Variants in FAM171B observed in about 807,000 individuals in gnomAD.
FAM171B encodes the protein protein FAM171B.
FAM171B carries 19 observed loss-of-function variants against 75.6 expected under a neutral mutation model. The observed-to-expected ratio is 0.25, with a 90% CI of 0.18 to 0.37. The LOEUF (loss-of-function observed/expected upper bound fraction) is 0.37. Among genes scored for constraint, FAM171B ranks in the 10% least tolerant of loss-of-function variants. The pLI, the probability that FAM171B is intolerant of heterozygous loss-of-function variation, is 1.00. For synonymous variants in FAM171B, 367 were observed against 361.7 expected, an observed-to-expected ratio of 1.01 and a Z score of -0.17; for missense variants, 848 against 982.4, an observed-to-expected ratio of 0.86 and a Z score of 1.83.
chr2:186,751,035 C>G, intron 4 of FAM171B, 99 bp from the exon 5 acceptor site: 1 of 869,500 alleles, frequency 1.2e-6, no homozygotes, highest in Non-Finnish European at 1.7e-6. Context: ...ATAGATAACC[C>G]TTGGTGAAAT....
Position 186,744,849 on chromosome 2 carries a change from G to A in FAM171B, c.565+1274G>A, listed in dbSNP as rs74836500. On this transcript the variant is annotated intron_variant, in intron 3 of 7. Coordinates refer to ENST00000304698, the MANE Select transcript of FAM171B (RefSeq NM_177454.4). ...ACCAGCATTTTTTTTTTTTTTTTTT[G>A]AGACAGTGTCTGGCTCTGTCACCCA... 1.1e-4 allele frequency among the ~76,000 whole-genome samples: 6 copies of A among 56,068 alleles called. No homozygotes were observed. In the South Asian group the frequency reaches 2.4e-3, roughly 23 times the overall value. 36.8% of individuals were successfully genotyped at this position (56,068 alleles called of 152,430 possible).
intron 1 of FAM171B, among the ~76,000 whole-genome samples, chr2:186,712,376 G>A (rs1426904824): frequency 6.6e-6 from 1 of 152,146 alleles, no homozygotes; most frequent in Non-Finnish European, 1.5e-5. Flanking sequence ...GTCTCCTTGT[G>A]AGAGTAAGCT....
intron 1 of FAM171B, among the ~76,000 whole-genome samples, chr2:186,730,514 A>T (rs1408066396): frequency 6.6e-6 from 1 of 152,194 alleles, no homozygotes; most frequent in Non-Finnish European, 1.5e-5. Context: ...GGACCCTGTT[A>T]GTCAGGCCTG....
chr2:186,747,714 A>G (rs1019668540), intron 4 of FAM171B, among the ~76,000 whole-genome samples: 1 of 152,182 alleles, frequency 6.6e-6, no homozygotes, highest in African/African-American at 2.4e-5. Flanking sequence ...AATATTTGCT[A>G]TTCTCTGTGT....
Position 186,694,143 on chromosome 2 carries a change from A to G in FAM171B, c.-31A>G, listed in dbSNP as rs573633737. 6.4e-5 allele frequency: 97 copies of G among 1,515,876 alleles called. No individual in the cohort carries two copies. The highest frequency in any genetic ancestry group is 8.3e-5 in the Non-Finnish European group (95 of 1,139,824). 93.9% of individuals were successfully genotyped at this position (1,515,876 alleles called of 1,614,324 possible). On this transcript the variant is annotated 5_prime_UTR_variant, in exon 1 of 8. Coordinates refer to ENST00000304698, the MANE Select transcript of FAM171B (RefSeq NM_177454.4). ...GCCCGCCGCCGCCCGGAGCCCCGCA[A>G]TATGCCGCCGCGGCCCTCTGGCTCT...
intron 5 of FAM171B, among the ~76,000 whole-genome samples, chr2:186,752,882 A>G (rs977484395): frequency 3.9e-5 from 6 of 152,246 alleles, no homozygotes; most frequent in African/African-American, 1.2e-4. Flanking sequence ...ATAAAACTTC[A>G]TAAAAGGTAC....
At chr2:186,747,345 T>G in intron 4 of FAM171B, 95 bp downstream of exon 4, 4 of 762,220 alleles carry the variant, frequency 5.2e-6, no homozygotes, top group Non-Finnish European at 5.7e-6. Context: ...TTATAATATA[T>G]AAGCTATGGA....
At chr2:186,707,137 A>G (rs1335474855) in intron 1 of FAM171B, among the ~76,000 whole-genome samples, 1 of 152,168 alleles carries the variant, frequency 6.6e-6, no homozygotes, top group Non-Finnish European at 1.5e-5. Context: ...TTATGTGGAT[A>G]TATCACAGGT....
intron 4 of FAM171B, among the ~76,000 whole-genome samples, chr2:186,748,559 C>T (rs1312618159): frequency 2.0e-5 from 3 of 152,202 alleles, no homozygotes; most frequent in Non-Finnish European, 4.4e-5. Flanking sequence ...ATGGGGCAAG[C>T]TGTCAACCAA....
At chr2:186,718,903 A>G (rs536061024) in intron 1 of FAM171B, among the ~76,000 whole-genome samples, 1 of 152,134 alleles carries the variant, frequency 6.6e-6, no homozygotes, top group African/African-American at 2.4e-5. Flanking sequence ...TATTTTTCTT[A>G]TTTTGCTTAA....
In FAM171B at chr2:186,694,144, T is replaced by C; in HGVS notation, c.-30T>C. Reference sequence around the variant, plus strand: ...CCCGCCGCCGCCCGGAGCCCCGCAATATGCCGCCGCGGCCCTCTGGCTCTA... The same window carrying C: ...CCCGCCGCCGCCCGGAGCCCCGCAACATGCCGCCGCGGCCCTCTGGCTCTA... On this transcript the variant is annotated 5_prime_UTR_variant, in exon 1 of 8. Transcript: ENST00000304698. 6.6e-7 allele frequency: 1 copy of C among 1,517,482 alleles called. No individual in the cohort carries two copies. The highest frequency in any genetic ancestry group is 8.8e-7 in the Non-Finnish European group (1 of 1,140,290). The allele number at this position is 1,517,482 out of a possible 1,614,324, so 94.0% of individuals were successfully genotyped here. A position where few individuals can be genotyped will look rare whatever the true frequency, so the allele number is the denominator to read the frequency against.
intron 1 of FAM171B, among the ~76,000 whole-genome samples, chr2:186,739,846 A>G (rs1054275563): frequency 2.0e-5 from 3 of 152,218 alleles, no homozygotes; most frequent in Non-Finnish European, 4.4e-5. Context: ...TATATATGCT[A>G]TACTTTCATA....
Position 186,710,247 on chromosome 2 carries a change from C to T in FAM171B, c.238+15836C>T, listed in dbSNP as rs138924296. Among the ~76,000 whole-genome samples the T allele has an allele frequency of 9.2e-5, 14 of 152,314 alleles. No individual in the cohort carries two copies. In the East Asian group the frequency reaches 2.7e-3, roughly 29 times the overall value. On this transcript the variant is annotated intron_variant, in intron 1 of 7. Transcript: ENST00000304698. ...CTGACTATGGCTGTTCTCCCTCGGGCTCTAGCCCAGTGTTCTCAGGGTACT... is the reference window on the plus strand; with the variant it reads ...CTGACTATGGCTGTTCTCCCTCGGGTTCTAGCCCAGTGTTCTCAGGGTACT...
intron 1 of FAM171B, among the ~76,000 whole-genome samples, chr2:186,730,474 A>G (rs1168743902): frequency 6.6e-6 from 1 of 152,204 alleles, no homozygotes. Flanking sequence ...AAACAACTGC[A>G]AGTCAGTTGT....
At chr2:186,716,253 A>T (rs1220300932) in intron 1 of FAM171B, among the ~76,000 whole-genome samples, 3 of 152,100 alleles carry the variant, frequency 2.0e-5, no homozygotes, top group African/African-American at 4.8e-5. Flanking sequence ...GCTTTAAGTG[A>T]TCATCCTGCC....
At position 186,761,146 on chromosome 2, in the gene FAM171B, C is replaced by G; in HGVS notation, c.1046C>G (p.Thr349Ser). 6.2e-7 allele frequency: 1 copy of G among 1,611,800 alleles called. No individual in the cohort carries two copies. Among genetic ancestry groups the G allele is most frequent in the Non-Finnish European group, 8.5e-7 (1 of 1,178,894 alleles). The change falls in exon 7 of 8, where the codon ACT (threonine) becomes AGT (serine). Residue 349 changes from threonine to serine, a missense_variant. Transcript: ENST00000304698. ...SGINEDSKDI[T>S]AYHTVFLTAI... ...ATAAATGAAGATTCCAAGGACATAA[C>G]TGCCTACCACACAGTGTTTCTTACA...
intron 1 of FAM171B, among the ~76,000 whole-genome samples, chr2:186,716,370 T>C (rs17334457): frequency 0.038 from 5,721 of 152,302 alleles, 149 homozygotes; most frequent in Non-Finnish European, 0.058. Context: ...TTTTCATCCC[T>C]TTTCCTTCCT....
At chr2:186,753,026 A>T (rs1324778473) in intron 5 of FAM171B, among the ~76,000 whole-genome samples, 1 of 152,244 alleles carries the variant, frequency 6.6e-6, no homozygotes, top group Non-Finnish European at 1.5e-5. Flanking sequence ...TTAGTAAAAA[A>T]TTAAGGCCAT....
In FAM171B at chr2:186,761,701, G is replaced by T. The variant is rs1690618554; in HGVS notation, c.1359G>T (p.Met453Ile). The T allele has an allele frequency of 1.2e-6, 2 of 1,612,564 alleles. No individual in the cohort carries two copies. The highest frequency in any genetic ancestry group is 2.2e-5 in the South Asian group (2 of 90,798). Reference protein sequence around the residue: ...SKAETEERVSMVKTRDDFKIY... With the variant: ...SKAETEERVSIVKTRDDFKIY... ...CAGAAACAGAAGAAAGAGTTTCCAT[G>T]GTAAAAACTCGGGACGATTTTAAAA... The change falls in exon 8 of 8, where the codon ATG (methionine) becomes ATT (isoleucine). Residue 453 changes from methionine to isoleucine, a missense_variant. Physicochemically the swap from Met to Ile is conservative, Grantham distance 10. Coordinates refer to ENST00000304698, the MANE Select transcript of FAM171B (RefSeq NM_177454.4).
Sources: allele counts gnomAD v4.1 joint callset (sites outside exome capture counted in the v4.1 genomes callset), GRCh38; gene constraint gnomAD v4.1.1; transcripts MANE v1.5; gene names NCBI Gene and HGNC (gene_info 2026-07-23, HGNC 2026-07-21).